Variants in ENOX1 observed in about 807,000 individuals in gnomAD.
ENOX1 encodes the protein candidate growth-related and time keeping constitutive hydroquinone (NADH) oxidase.
A neutral mutation model predicts 82.5 loss-of-function variants in ENOX1; 42 were observed. That is an observed-to-expected ratio of 0.51 (90% CI 0.40 to 0.66). ENOX1 has a LOEUF of 0.66. ENOX1 is among the 30% of genes least tolerant of loss of function. ENOX1 has a pLI of 0.00. For synonymous variants in ENOX1, 271 were observed against 282.2 expected, an observed-to-expected ratio of 0.96 and a Z score of 0.40; for missense variants, 608 against 811.6, an observed-to-expected ratio of 0.75 and a Z score of 3.05.
intron 9 of ENOX1, among the ~76,000 whole-genome samples, chr13:43,327,582 G>A (rs765972613): frequency 6.6e-6 from 1 of 152,104 alleles, no homozygotes; most frequent in Non-Finnish European, 1.5e-5. Flanking sequence ...TAAATTTTTA[G>A]TTAAGAAGGC....
At chr13:43,630,288 C>T (rs2083146406) in intron 2 of ENOX1, among the ~76,000 whole-genome samples, 1 of 152,104 alleles carries the variant, frequency 6.6e-6, no homozygotes, top group Admixed American at 6.6e-5. Flanking sequence ...GATGAGTATC[C>T]ACTTTCGCTG....
At chr13:43,698,066 A>G (rs2086726345) in intron 1 of ENOX1, among the ~76,000 whole-genome samples, 1 of 152,248 alleles carries the variant, frequency 6.6e-6, no homozygotes, top group Admixed American at 6.5e-5. Context: ...TCTGTATATC[A>G]GCAGAGAGTA....
At chr13:43,539,317 T>G (rs547568712) in intron 2 of ENOX1, among the ~76,000 whole-genome samples, 15 of 152,308 alleles carry the variant, frequency 9.8e-5, no homozygotes, top group African/African-American at 3.6e-4. Context: ...AGGCTATACA[T>G]TTTCCTCAAA....
chr13:43,559,230 T>C (rs2079567041), intron 2 of ENOX1, among the ~76,000 whole-genome samples: 1 of 152,230 alleles, frequency 6.6e-6, no homozygotes, highest in Non-Finnish European at 1.5e-5. Flanking sequence ...TCCTCAAATA[T>C]GCAAGGGGCT....
chr13:43,251,780 A>G (rs1477998551), intron 14 of ENOX1, among the ~76,000 whole-genome samples: 1 of 152,222 alleles, frequency 6.6e-6, no homozygotes, highest in African/African-American at 2.4e-5. Context: ...CTGCTGACTC[A>G]AGCCATTTAT....
intron 5 of ENOX1, among the ~76,000 whole-genome samples, chr13:43,368,383 A>G (rs2050992351): frequency 6.6e-6 from 1 of 152,230 alleles, no homozygotes; most frequent in Non-Finnish European, 1.5e-5. Flanking sequence ...CACGAAGCAA[A>G]GAGAATTTCA....
At chr13:43,781,956 G>T (rs1952294679) in intron 1 of ENOX1, among the ~76,000 whole-genome samples, 2 of 152,118 alleles carry the variant, frequency 1.3e-5, no homozygotes. Flanking sequence ...TTATTTGTTT[G>T]CTTATTTTTA....
chr13:43,593,669 TACACACACACACACACACACACACAC>T lies in ENOX1; in HGVS notation c.-219+73784_-219+73809del, dbSNP rs58120566. 3.5e-3 allele frequency among the ~76,000 whole-genome samples: 242 copies of T among 69,246 alleles called. 9 individuals are homozygous for T. The highest frequency in any genetic ancestry group is 0.013 in the African/African-American group (211 of 16,856). 45.4% of individuals were successfully genotyped at this position (69,246 alleles called of 152,430 possible). A position where few individuals can be genotyped will look rare whatever the true frequency, so the allele number is the denominator to read the frequency against. On this transcript the variant is annotated intron_variant, in intron 2 of 16. Transcript: ENST00000690772. ...CCCCCACCCTGCCACCCAATCTCTGTACACACACACACACACACACACACACACACACACACACACACACACACACA... is the reference window on the plus strand; with the variant it reads ...CCCCCACCCTGCCACCCAATCTCTGTACACACACACACACACACACACACA...
chr13:43,729,174 TCCCTGAAATTATGTTTA>T (rs1161045498), intron 1 of ENOX1, among the ~76,000 whole-genome samples: 1 of 152,192 alleles, frequency 6.6e-6, no homozygotes, highest in Non-Finnish European at 1.5e-5. Context: ...AATCCAACAT[TCCCTGAAATTATGTTTA>T]CCCAATATGT....
intron 2 of ENOX1, among the ~76,000 whole-genome samples, chr13:43,618,813 A>C (rs963584984): frequency 3.9e-5 from 6 of 152,076 alleles, no homozygotes; most frequent in African/African-American, 1.4e-4. Context: ...TTGAATTTGT[A>C]GATTGCTTTT....
At chr13:43,750,287 T>G (rs1950239278) in intron 1 of ENOX1, among the ~76,000 whole-genome samples, 1 of 152,192 alleles carries the variant, frequency 6.6e-6, no homozygotes, top group East Asian at 1.9e-4. Flanking sequence ...GTAGAATCAG[T>G]GCAGATGTGA....
chr13:43,719,707 C>T (rs2088435310), intron 1 of ENOX1, among the ~76,000 whole-genome samples: 1 of 152,028 alleles, frequency 6.6e-6, no homozygotes, highest in African/African-American at 2.4e-5. Flanking sequence ...AATGGAGCAC[C>T]AGAACCCTAA....
chr13:43,524,407 G>A (rs1020269253), intron 2 of ENOX1, among the ~76,000 whole-genome samples: 2 of 152,034 alleles, frequency 1.3e-5, no homozygotes, highest in African/African-American at 4.8e-5. Context: ...AAGGTGTTGA[G>A]ATCAAATCCT....
chr13:43,579,027 T>G (rs993796525), intron 2 of ENOX1, among the ~76,000 whole-genome samples: 2 of 151,854 alleles, frequency 1.3e-5, no homozygotes, highest in African/African-American at 4.8e-5. Flanking sequence ...TCTGCTTGTG[T>G]GGCCTTGGGT....
At chr13:43,291,855 T>C (rs564799582) in intron 12 of ENOX1, among the ~76,000 whole-genome samples, 2 of 152,328 alleles carry the variant, frequency 1.3e-5, no homozygotes, top group South Asian at 4.1e-4. Flanking sequence ...CAGGAGTTCC[T>C]AGTGTATGAC....
At chr13:43,523,753 T>A (rs2077872788) in intron 2 of ENOX1, among the ~76,000 whole-genome samples, 1 of 152,114 alleles carries the variant, frequency 6.6e-6, no homozygotes, top group South Asian at 2.1e-4. Flanking sequence ...AATGACCTGC[T>A]TGCTCTCTGA....
chr13:43,250,540 G>A (rs2153469706), intron 14 of ENOX1, among the ~76,000 whole-genome samples: 1 of 152,334 alleles, frequency 6.6e-6, no homozygotes, highest in East Asian at 1.9e-4. Context: ...TTAAGAACCA[G>A]AGTCTCACAA....
intron 1 of ENOX1, among the ~76,000 whole-genome samples, chr13:43,715,637 C>G (rs923088944): frequency 6.6e-6 from 1 of 152,112 alleles, no homozygotes; most frequent in African/African-American, 2.4e-5. Context: ...TTCACATAGT[C>G]CCATATTTCT....
intron 3 of ENOX1, among the ~76,000 whole-genome samples, chr13:43,480,601 C>T (rs2058470461): frequency 6.6e-6 from 1 of 152,024 alleles, no homozygotes; most frequent in South Asian, 2.1e-4. Flanking sequence ...GATATGAGCT[C>T]AGAAATTACA....
Sources: allele counts gnomAD v4.1 joint callset (sites outside exome capture counted in the v4.1 genomes callset), GRCh38; gene constraint gnomAD v4.1.1; transcripts MANE v1.5; gene names NCBI Gene and HGNC (gene_info 2026-07-23, HGNC 2026-07-21).